Variants in MYOM1 observed in about 807,000 individuals in gnomAD.
MYOM1 encodes the protein myomesin 1, also known as myomesin-1.
Under a neutral mutation model 205.3 loss-of-function variants are expected in MYOM1, and 164 were observed. The ratio of observed to expected loss-of-function variants is 0.80; its 90% CI spans 0.70 to 0.91. The LOEUF (loss-of-function observed/expected upper bound fraction) is 0.91, where lower values mean the gene tolerates loss of function less well. MYOM1 is among the 40% of genes least tolerant of loss of function. MYOM1 has a pLI of 0.00. For synonymous variants in MYOM1, 772 were observed against 789.4 expected, an observed-to-expected ratio of 0.98 and a Z score of 0.37; for missense variants, 2,011 against 2,127.3, an observed-to-expected ratio of 0.95 and a Z score of 1.08.
At chr18:3,114,536 G>A (rs1341498446) in intron 21 of MYOM1, among the ~76,000 whole-genome samples, 1 of 138,862 alleles carries the variant, frequency 7.2e-6, no homozygotes. Context: ...TGCCACCATG[G>A]TCAGCTAATT....
chr18:3,182,850 G>A (rs1335145091), intron 5 of MYOM1, among the ~76,000 whole-genome samples: 3 of 150,238 alleles, frequency 2.0e-5, no homozygotes, highest in Non-Finnish European at 4.4e-5. Flanking sequence ...GAGTCCTCCT[G>A]CAGGATGGCC....
chr18:3,237,577 C>G, the MYOM1 span, among the ~76,000 whole-genome samples: 1 of 104,208 alleles, frequency 9.6e-6, no homozygotes, highest in African/African-American at 3.9e-5. Context: ...CCAGCCTGGG[C>G]AACAGTGCAA....
At chr18:3,242,505 G>A in the MYOM1 span, among the ~76,000 whole-genome samples, 1 of 152,046 alleles carries the variant, frequency 6.6e-6, no homozygotes, top group African/African-American at 2.4e-5. Context: ...CCCAGTCTCA[G>A]GTATGTCTTT....
chr18:3,164,213 C>T (rs1277441381), intron 10 of MYOM1, 65 bp downstream of exon 10: 29 of 1,526,696 alleles, frequency 1.9e-5, no homozygotes, highest in Non-Finnish European at 2.6e-5. Flanking sequence ...GTTTTGTAAT[C>T]AAAAACTGCT....
chr18:3,182,298 G>C (rs888466435), intron 5 of MYOM1, among the ~76,000 whole-genome samples: 3 of 152,044 alleles, frequency 2.0e-5, no homozygotes, highest in African/African-American at 7.2e-5. Context: ...GGTGAGGGGA[G>C]GGGGAGGGAT....
At chr18:3,230,659 GC>G in the MYOM1 span, among the ~76,000 whole-genome samples, 1 of 152,126 alleles carries the variant, frequency 6.6e-6, no homozygotes, top group Non-Finnish European at 1.5e-5. Context: ...CTGATCTCAG[GC>G]CACTACTTCC....
chr18:3,103,739 T>C (rs1489362420), intron 22 of MYOM1, among the ~76,000 whole-genome samples: 1 of 152,176 alleles, frequency 6.6e-6, no homozygotes, highest in Non-Finnish European at 1.5e-5. Context: ...ATAAAACTTG[T>C]TAGTGGAAAA....
the MYOM1 span, among the ~76,000 whole-genome samples, chr18:3,226,021 G>A: frequency 1.3e-5 from 2 of 152,228 alleles, no homozygotes; most frequent in Non-Finnish European, 2.9e-5. The surrounding 1 kb of genome is among the most constrained non-coding windows in gnomAD (Gnocchi z 4.6). Flanking sequence ...TTCGAGAAGA[G>A]AGATGGCCCC....
intron 31 of MYOM1, among the ~76,000 whole-genome samples, 185 bp downstream of exon 31, chr18:3,084,860 C>T (rs990046802): frequency 2.6e-5 from 4 of 152,100 alleles, no homozygotes; most frequent in African/African-American, 9.7e-5. Context: ...CTTCTGATTT[C>T]GAAGATGACT....
At chr18:3,108,615 C>T (rs1249913654) in intron 22 of MYOM1, among the ~76,000 whole-genome samples, 5 of 151,644 alleles carry the variant, frequency 3.3e-5, no homozygotes, top group African/African-American at 7.3e-5. Flanking sequence ...GTGATCTCAG[C>T]TCACTGCAAC....
In MYOM1 at chr18:3,090,682, A is replaced by C; in HGVS notation, c.3985T>G (p.Ser1329Ala). The C allele has an allele frequency of 6.2e-7, 1 of 1,613,940 alleles. No homozygotes were observed. The highest frequency in any genetic ancestry group is 8.5e-7 in the Non-Finnish European group (1 of 1,179,860). Residue 1329 changes from serine (S) to alanine (A), a missense_variant, in exon 27 of 38, where the codon TCT becomes GCT. Coordinates refer to ENST00000356443, the MANE Select transcript of MYOM1 (RefSeq NM_003803.4). Reference sequence around the variant, plus strand: ...CCATCTCCAACGAGAACAACAGTAGAATGGTTAGTTGCTTTTCCATCTTGA... The same window carrying C: ...CCATCTCCAACGAGAACAACAGTAGCATGGTTAGTTGCTTTTCCATCTTGA... ...QLQDGKATNH[S>A]TVVLVGDVFK...
chr18:3,168,765 G>T, intron 9 of MYOM1, 52 bp downstream of exon 9: 2 of 1,589,390 alleles, frequency 1.3e-6, no homozygotes, highest in South Asian at 1.1e-5. Flanking sequence ...CTGCAATCTG[G>T]TCTACAACCT....
chr18:3,182,261 G>A (rs1311639817), intron 5 of MYOM1, among the ~76,000 whole-genome samples: 1 of 150,996 alleles, frequency 6.6e-6, no homozygotes, highest in Non-Finnish European at 1.5e-5. Flanking sequence ...AATGAATCCT[G>A]CTCTTTAAAA....
intron 37 of MYOM1, among the ~76,000 whole-genome samples, chr18:3,069,378 G>A (rs1350690250): frequency 3.9e-5 from 6 of 152,120 alleles, no homozygotes; most frequent in African/African-American, 1.4e-4. Flanking sequence ...GATGTGATAA[G>A]GAAAGAACTA....
chr18:3,244,707 A>T, the MYOM1 span, among the ~76,000 whole-genome samples: 2 of 151,622 alleles, frequency 1.3e-5, no homozygotes, highest in Non-Finnish European at 2.9e-5. Context: ...CCTGGCCAAC[A>T]TGGTGAAACC....
the MYOM1 span, among the ~76,000 whole-genome samples, chr18:3,234,166 A>G: frequency 6.6e-6 from 1 of 152,242 alleles, no homozygotes; most frequent in East Asian, 1.9e-4. Context: ...CTTGGCTCAT[A>G]GGACGTGCTC....
chr18:3,094,149 T>G, intron 26 of MYOM1, 21 bp downstream of exon 26: 1 of 1,612,424 alleles, frequency 6.2e-7, no homozygotes, highest in South Asian at 1.1e-5. Flanking sequence ...CATTAAAAAG[T>G]CTAAACAGTG....
chr18:3,160,160 C>T (rs2080368924), intron 10 of MYOM1, among the ~76,000 whole-genome samples: 2 of 146,802 alleles, frequency 1.4e-5, no homozygotes, highest in South Asian at 4.2e-4. Flanking sequence ...CCTTCCCTTC[C>T]TTTCCTTTTC....
At chr18:3,149,637 G>A (rs2080188881) in intron 12 of MYOM1, among the ~76,000 whole-genome samples, 1 of 152,140 alleles carries the variant, frequency 6.6e-6, no homozygotes, top group Non-Finnish European at 1.5e-5. Flanking sequence ...AGGGGGTGCC[G>A]ATCCTGCGGT....
Sources: gnomAD v4.1 joint callset for allele counts (sites outside exome capture counted in the v4.1 genomes callset) on GRCh38, gnomAD v4.1.1 for gene constraint, Gnocchi (gnomAD v3.1) non-coding constraint, MANE v1.5 for transcripts, NCBI Gene and HGNC (gene_info 2026-07-23, HGNC 2026-07-21) for gene names.